ADGRL3: variants seen among roughly 807,000 people sequenced by gnomAD.
The protein encoded by ADGRL3 is calcium-independent alpha-latrotoxin receptor 3.
ADGRL3 carries 62 observed loss-of-function variants against 153.5 expected under a neutral mutation model. That is an observed-to-expected ratio of 0.40 (90% CI 0.33 to 0.50). The LOEUF (loss-of-function observed/expected upper bound fraction) is 0.50, where lower values mean the gene tolerates loss of function less well. Ranked by LOEUF, ADGRL3 falls within the 20% of genes least tolerant of loss-of-function variation. The pLI is 0.47. For missense variants in ADGRL3, 1,641 were observed against 1,859.4 expected (o/e 0.88, Z 2.16); for synonymous variants, 710 against 672.5 (o/e 1.06, Z -0.86).
chr4:61,265,705 T>C (rs2092809204), intron 1 of ADGRL3, among the ~76,000 whole-genome samples: 1 of 151,898 alleles, frequency 6.6e-6, no homozygotes, highest in Non-Finnish European at 1.5e-5. Flanking sequence ...TGAATCAAAC[T>C]GGCCTTTGAA....
At chr4:61,870,012 A>AAGGAAAGAAAG (rs1449155661) in intron 9 of ADGRL3, among the ~76,000 whole-genome samples, 3 of 143,776 alleles carry the variant, frequency 2.1e-5, no homozygotes, top group Non-Finnish European at 4.6e-5. Context: ...GAGAGAGAGA[A>AAGGAAAGAAAG]AGGAAAGAAA....
rs761934775 is a variant in ADGRL3, at chr4:61,912,700, G to T, written c.2074-19G>T. 4 of 1,610,822 alleles carry T rather than the reference G, an allele frequency of 2.5e-6. No individual in the cohort carries two copies. The highest frequency in any genetic ancestry group is 2.7e-5 in the African/African-American group (2 of 74,842). On this transcript the variant is annotated intron_variant, in intron 12 of 26. Transcript: ENST00000683033. ...GTTTTTTCTATTCTGTGTTTAATCT[G>T]CTGTCTTAATGGATTCAGCTTCAGA...
chr4:61,758,581 A>G (rs1216540273), intron 8 of ADGRL3, among the ~76,000 whole-genome samples: 1 of 151,928 alleles, frequency 6.6e-6, no homozygotes, highest in Non-Finnish European at 1.5e-5. Context: ...GTCTCTGCAT[A>G]AGAGATGGGT....
chr4:61,982,897 A>G (rs931038837), intron 18 of ADGRL3, among the ~76,000 whole-genome samples: 8 of 152,166 alleles, frequency 5.3e-5, no homozygotes, highest in Non-Finnish European at 7.4e-5. Context: ...ACAATTAGTA[A>G]TAATCTCATC....
Position 61,306,532 on chromosome 4 carries a change from C to T in ADGRL3, c.-239-76592C>T, listed in dbSNP as rs117764305. Among the ~76,000 whole-genome samples, 125 of 152,198 alleles carry T rather than the reference C, an allele frequency of 8.2e-4. 2 individuals carry two copies. In the East Asian group the frequency reaches 0.013, roughly 16 times the overall value. ...CATGTGAACTTTCCTAGTTTTAAAA[C>T]CATGGCTACTAATTCAAATTTTTGC... On this transcript the variant is annotated intron_variant, in intron 1 of 26. Coordinates refer to ENST00000683033, the MANE Select transcript of ADGRL3 (RefSeq NM_001387552.1).
At chr4:62,010,571 T>G (rs2099181001) in intron 21 of ADGRL3, among the ~76,000 whole-genome samples, 1 of 152,136 alleles carries the variant, frequency 6.6e-6, no homozygotes. Flanking sequence ...AGAATGTCAT[T>G]TCCCTGAAAG....
chr4:61,986,232 G>T (rs941961797), intron 19 of ADGRL3, among the ~76,000 whole-genome samples: 1 of 151,976 alleles, frequency 6.6e-6, no homozygotes, highest in Non-Finnish European at 1.5e-5. Flanking sequence ...ATAGTTATTT[G>T]TGACCTTATG....
intron 5 of ADGRL3, among the ~76,000 whole-genome samples, chr4:61,646,941 T>G (rs992813229): frequency 1.3e-5 from 2 of 152,186 alleles, no homozygotes; most frequent in African/African-American, 4.8e-5. Context: ...TCCGTGGGCG[T>G]AGGACCCTCC....
intron 2 of ADGRL3, among the ~76,000 whole-genome samples, chr4:61,388,945 C>T (rs949820051): frequency 1.3e-5 from 2 of 152,190 alleles, no homozygotes; most frequent in Non-Finnish European, 2.9e-5. Flanking sequence ...TATTTTTTCT[C>T]CAGAGCATAC....
chr4:61,572,973 A>G (rs2098845112), intron 4 of ADGRL3, among the ~76,000 whole-genome samples: 1 of 152,066 alleles, frequency 6.6e-6, no homozygotes, highest in African/African-American at 2.4e-5. Context: ...CAGATAATTT[A>G]CATGCCAAAC....
intron 8 of ADGRL3, among the ~76,000 whole-genome samples, chr4:61,747,338 A>T (rs1032286688): frequency 6.6e-6 from 1 of 151,784 alleles, no homozygotes; most frequent in Non-Finnish European, 1.5e-5. Flanking sequence ...AAAAGAGGGA[A>T]TCCTCCCTAA....
At chr4:61,886,461 A>G (rs1022811712) in intron 9 of ADGRL3, among the ~76,000 whole-genome samples, 2 of 152,216 alleles carry the variant, frequency 1.3e-5, no homozygotes, top group East Asian at 1.9e-4. Context: ...AAGATTGTCT[A>G]CTAGAGTGAA....
Position 61,642,215 on chromosome 4 carries a change from AATTTTCTCCC to A in ADGRL3, c.474-34605_474-34596del, listed in dbSNP as rs1409056790. The stretch of plus-strand genomic sequence containing the variant: ...CTTTGTCAGATGAGTAGGTTGCGAA[AATTTTCTCCC>A]ATTTTGTAGGTTGCCTGTTCACTCT... On this transcript the variant is annotated intron_variant, in intron 5 of 26. Transcript: ENST00000683033. Among the ~76,000 whole-genome samples the A allele has an allele frequency of 2.6e-5, 4 of 151,368 alleles. No individual in the cohort carries two copies. The East Asian group carries it at 7.8e-4, about 30-fold the overall frequency.
chr4:61,589,696 G>T (rs1454276008), intron 5 of ADGRL3, among the ~76,000 whole-genome samples: 1 of 151,952 alleles, frequency 6.6e-6, no homozygotes, highest in Non-Finnish European at 1.5e-5. Context: ...GTATAACCTT[G>T]TTTAAAAAGC....
chr4:62,030,287 C>T (rs1721276161), intron 22 of ADGRL3, among the ~76,000 whole-genome samples: 1 of 151,552 alleles, frequency 6.6e-6, no homozygotes, highest in South Asian at 2.1e-4. Context: ...AAGTTTCCAT[C>T]CCTGTAAATA....
intron 2 of ADGRL3, among the ~76,000 whole-genome samples, chr4:61,441,296 C>A (rs1341003391): frequency 2.6e-5 from 4 of 152,134 alleles, no homozygotes; most frequent in Non-Finnish European, 4.4e-5. Context: ...AAACTTACAA[C>A]ATACTCTTTG....
chr4:61,652,318 T>C (rs991224598), intron 5 of ADGRL3, among the ~76,000 whole-genome samples: 3 of 152,208 alleles, frequency 2.0e-5, no homozygotes, highest in Non-Finnish European at 4.4e-5. Flanking sequence ...TACTTTTACT[T>C]ATATTTTTTA....
rs1267391038 is a variant in ADGRL3, at chr4:61,448,693, TAGGAACGAAGGAAAGAAAGA to T, written c.-173-48422_-173-48403del. On this transcript the variant is annotated intron_variant, in intron 2 of 26. Coordinates refer to ENST00000683033, the MANE Select transcript of ADGRL3 (RefSeq NM_001387552.1). The stretch of plus-strand genomic sequence containing the variant: ...AGGGGCAAAAATGGCAGTAGAAGGA[TAGGAACGAAGGAAAGAAAGA>T]AGGAAGGAAGGAGAGAGGGAAGGAA... Among the ~76,000 whole-genome samples the T allele has an allele frequency of 1.1e-3, 125 of 116,190 alleles. 1 individual carries two copies. The highest frequency in any genetic ancestry group is 1.8e-3 in the Non-Finnish European group (102 of 55,774). The allele number at this position is 116,190 out of a possible 152,430, so 76.2% of individuals were successfully genotyped here.
chr4:61,958,366 A>G (rs1249665900), intron 17 of ADGRL3, among the ~76,000 whole-genome samples: 1 of 144,004 alleles, frequency 6.9e-6, no homozygotes, highest in Non-Finnish European at 1.5e-5. Flanking sequence ...ATTAATGCTA[A>G]TGTTGTAAAG....
Sources: gnomAD v4.1 joint callset for allele counts (sites outside exome capture counted in the v4.1 genomes callset) on GRCh38, gnomAD v4.1.1 for gene constraint, MANE v1.5 for transcripts, NCBI Gene and HGNC (gene_info 2026-07-23, HGNC 2026-07-21) for gene names.